PLPPR1: variants seen among roughly 807,000 people sequenced by gnomAD.
PLPPR1 encodes phospholipid phosphatase-related protein type 1.
In PLPPR1, 10 loss-of-function variants were observed where a neutral mutation model predicts 33.1. The observed-to-expected ratio is 0.30, with a 90% confidence interval of 0.19 to 0.51. PLPPR1 has a LOEUF of 0.51. PLPPR1 is among the 20% of genes least tolerant of loss of function. The probability of loss-of-function intolerance (pLI) is 0.97; values close to 1 mark genes in which losing one functional copy is unlikely to be tolerated. For synonymous variants in PLPPR1, 151 were observed against 151.0 expected, an observed-to-expected ratio of 1.00 and a Z score of 0.00; for missense variants, 304 against 408.1, an observed-to-expected ratio of 0.74 and a Z score of 2.20.
intron 1 of PLPPR1, among the ~76,000 whole-genome samples, chr9:101,183,392 A>G (rs994982410): frequency 4.0e-5 from 6 of 151,836 alleles, no homozygotes; most frequent in African/African-American, 9.7e-5. Flanking sequence ...TACGTGAAGA[A>G]ATGCAGAAAT....
intron 1 of PLPPR1, among the ~76,000 whole-genome samples, chr9:101,061,849 T>C (rs74633142): frequency 0.014 from 2,192 of 152,142 alleles, 60 homozygotes; most frequent in African/African-American, 0.05. Flanking sequence ...TGCTTTAATA[T>C]GATAACCTCT....
intron 4 of PLPPR1, among the ~76,000 whole-genome samples, chr9:101,294,430 G>A (rs1828581009): frequency 6.6e-6 from 1 of 152,012 alleles, no homozygotes; most frequent in Admixed American, 6.6e-5. Flanking sequence ...GAAAAAGAGG[G>A]AATCCTCCCT....
chr9:101,161,967 C>T (rs1453330648), intron 1 of PLPPR1, among the ~76,000 whole-genome samples: 1 of 151,878 alleles, frequency 6.6e-6, no homozygotes, highest in African/African-American at 2.4e-5. Context: ...GGATAAGGAG[C>T]TAGCACGGTA....
rs769808567 is a variant in PLPPR1 at position 101,312,841 on chromosome 9, C to T, written c.680C>T (p.Ala227Val). The T allele has an allele frequency of 6.2e-7, 1 of 1,614,144 alleles. No homozygotes were observed. The highest frequency in any genetic ancestry group is 8.5e-7 in the Non-Finnish European group (1 of 1,180,018). ...ATCAAGACGAAGAGCAGTCGACTGGCCAAGCCGGTGCTGTGCCTCGGAACT... is the reference window on the plus strand; with the variant it reads ...ATCAAGACGAAGAGCAGTCGACTGGTCAAGCCGGTGCTGTGCCTCGGAACT... The part of the protein sequence containing the change: ...STIKTKSSRL[A>V]KPVLCLGTLC... The change falls in exon 6 of 8, where the codon GCC (alanine) becomes GTC (valine). Residue 227 changes from alanine to valine, a missense_variant. By Grantham distance (64) the Ala-to-Val change is moderately conservative (BLOSUM62 0). Coordinates refer to ENST00000374874, the MANE Select transcript of PLPPR1 (RefSeq NM_207299.2).
At chr9:101,042,063 G>C (rs1830084129) in intron 1 of PLPPR1, among the ~76,000 whole-genome samples, 1 of 151,760 alleles carries the variant, frequency 6.6e-6, no homozygotes, top group Non-Finnish European at 1.5e-5. Context: ...ATTTATAGAA[G>C]AAGAACAGAG....
At chr9:101,109,134 A>ATTTTT (rs67666339) in intron 1 of PLPPR1, among the ~76,000 whole-genome samples, 8 of 99,760 alleles carry the variant, frequency 8.0e-5, no homozygotes, top group African/African-American at 1.6e-4. Context: ...AATTTTTTGT[A>ATTTTT]TTTTTTTTTT....
chr9:101,292,002 G>A (rs1828519076), intron 4 of PLPPR1, among the ~76,000 whole-genome samples: 1 of 152,132 alleles, frequency 6.6e-6, no homozygotes, highest in Non-Finnish European at 1.5e-5. Flanking sequence ...TGAGCTACAG[G>A]AGGAAATTCA....
At chr9:101,282,656 C>T (rs980554079) in intron 3 of PLPPR1, among the ~76,000 whole-genome samples, 4 of 152,122 alleles carry the variant, frequency 2.6e-5, no homozygotes, top group Admixed American at 2.6e-4. Flanking sequence ...ATACAGAAAA[C>T]CCTGAAGACT....
At chr9:101,231,985 A>C (rs1382352064) in intron 2 of PLPPR1, among the ~76,000 whole-genome samples, 1 of 152,102 alleles carries the variant, frequency 6.6e-6, no homozygotes. Context: ...TGTAATTTTC[A>C]AAGCATTACA....
intron 1 of PLPPR1, among the ~76,000 whole-genome samples, chr9:101,047,597 A>G (rs927695642): frequency 6.6e-6 from 1 of 152,080 alleles, no homozygotes; most frequent in Non-Finnish European, 1.5e-5. Flanking sequence ...TTACAATGGT[A>G]TCATTTCAAT....
chr9:101,085,862 G>T (rs1185451634), intron 1 of PLPPR1, among the ~76,000 whole-genome samples: 1 of 145,092 alleles, frequency 6.9e-6, no homozygotes, highest in African/African-American at 2.5e-5. Context: ...GAAATGGACC[G>T]GGGGGGGCTC....
chr9:101,262,821 G>A (rs775262460), intron 2 of PLPPR1, among the ~76,000 whole-genome samples: 1 of 152,188 alleles, frequency 6.6e-6, no homozygotes, highest in Non-Finnish European at 1.5e-5. Flanking sequence ...ATACTATGCA[G>A]CCATAAAAAG....
intron 1 of PLPPR1, among the ~76,000 whole-genome samples, chr9:101,049,023 G>T (rs1830187368): frequency 6.6e-6 from 1 of 152,188 alleles, no homozygotes; most frequent in Non-Finnish European, 1.5e-5. Flanking sequence ...AGAAATAAAA[G>T]CTCTAGATAT....
At chr9:101,165,814 C>T (rs1825847468) in intron 1 of PLPPR1, among the ~76,000 whole-genome samples, 2 of 152,158 alleles carry the variant, frequency 1.3e-5, no homozygotes, top group South Asian at 2.1e-4. Flanking sequence ...ATTTTGACAT[C>T]CCCATGACTC....
At chr9:101,194,675 C>T (rs1398827642) in intron 2 of PLPPR1, among the ~76,000 whole-genome samples, 35 of 150,126 alleles carry the variant, frequency 2.3e-4, no homozygotes, top group African/African-American at 7.4e-5. Flanking sequence ...CGCTTGAACC[C>T]GGGAGGCGGA....
At chr9:101,144,868 A>G (rs573957467) in intron 1 of PLPPR1, among the ~76,000 whole-genome samples, 7 of 152,242 alleles carry the variant, frequency 4.6e-5, no homozygotes, top group African/African-American at 7.2e-5. Context: ...CACTTATATA[A>G]TAGTGTTCTA....
intron 1 of PLPPR1, among the ~76,000 whole-genome samples, chr9:101,112,544 A>C (rs1472134019): frequency 6.6e-6 from 1 of 152,190 alleles, no homozygotes; most frequent in Admixed American, 6.5e-5. Flanking sequence ...CTCTTCCTGC[A>C]TTTAATCATT....
intron 1 of PLPPR1, among the ~76,000 whole-genome samples, chr9:101,107,882 A>T (rs1405255151): frequency 6.6e-6 from 1 of 151,360 alleles, no homozygotes; most frequent in African/African-American, 2.5e-5. Flanking sequence ...TCTGAAAAGC[A>T]CAATATTCGG....
intron 2 of PLPPR1, among the ~76,000 whole-genome samples, chr9:101,218,264 G>A (rs1397709847): frequency 6.6e-6 from 1 of 152,094 alleles, no homozygotes; most frequent in Non-Finnish European, 1.5e-5. Flanking sequence ...TCTGTTAAGT[G>A]GAAAGAATAA....
Sources: allele counts gnomAD v4.1 joint callset (sites outside exome capture counted in the v4.1 genomes callset), GRCh38; gene constraint gnomAD v4.1.1; transcripts MANE v1.5; gene names NCBI Gene and HGNC (gene_info 2026-07-23, HGNC 2026-07-21).